RAPGEF2: variants seen among roughly 807,000 people sequenced by gnomAD.
RAPGEF2 encodes PDZ domain containing guanine nucleotide exchange factor (GEF) 1.
Under a neutral mutation model 186.7 loss-of-function variants are expected in RAPGEF2, and 54 were observed. The observed-to-expected ratio is 0.29, with a 90% CI of 0.23 to 0.36. The LOEUF (loss-of-function observed/expected upper bound fraction) is 0.36, where lower values mean the gene tolerates loss of function less well. Among genes scored for constraint, RAPGEF2 ranks in the 10% least tolerant of loss-of-function variants. RAPGEF2 has a pLI of 1.00. For missense variants in RAPGEF2, 1,532 were observed against 2,045.0 expected (o/e 0.75, Z 4.84); for synonymous variants, 712 against 705.9 (o/e 1.01, Z -0.14).
intron 8 of RAPGEF2, among the ~76,000 whole-genome samples, chr4:159,306,305 C>A (rs1216479944): frequency 1.3e-5 from 2 of 152,024 alleles, no homozygotes; most frequent in African/African-American, 4.8e-5. Context: ...CAATTTCTTT[C>A]ATCAGTGTTT....
intron 4 of RAPGEF2, among the ~76,000 whole-genome samples, chr4:159,226,391 G>C (rs1207529897): frequency 6.6e-6 from 1 of 152,056 alleles, no homozygotes; most frequent in African/African-American, 2.4e-5. Flanking sequence ...TACCACATTT[G>C]TGTAACTTTA....
intron 13 of RAPGEF2, 64 bp downstream of exon 13, chr4:159,330,562 G>T (rs537813222): frequency 1.6e-4 from 195 of 1,186,822 alleles, no homozygotes; most frequent in Middle Eastern, 9.8e-4. Flanking sequence ...ACTTTAATGT[G>T]TATATTTGTC....
chr4:159,104,553 A>AGAGAGTGT (rs1553991869), intron 1 of RAPGEF2, among the ~76,000 whole-genome samples: 43 of 136,112 alleles, frequency 3.2e-4, no homozygotes, highest in Non-Finnish European at 3.9e-4. Context: ...AGAGAGAGAG[A>AGAGAGTGT]GTGTGTGTGT....
At chr4:159,164,944 C>T (rs1306163368) in intron 1 of RAPGEF2, among the ~76,000 whole-genome samples, 2 of 152,132 alleles carry the variant, frequency 1.3e-5, no homozygotes, top group East Asian at 3.8e-4. Flanking sequence ...GTATAAAATA[C>T]AGCAGTGTAT....
intron 3 of RAPGEF2, among the ~76,000 whole-genome samples, chr4:159,198,294 CTTTCTTTCTTTCTTTCTT>C (rs1430840524): frequency 2.5e-5 from 1 of 40,698 alleles, no homozygotes; most frequent in African/African-American, 9.9e-5. Flanking sequence ...TTCTTTCTTT[CTTTCTTTCTTTCTTTCTT>C]TCTTTCTTTC....
intron 7 of RAPGEF2, among the ~76,000 whole-genome samples, chr4:159,277,335 TG>T (rs1759045782): frequency 1.3e-5 from 2 of 152,336 alleles, no homozygotes; most frequent in South Asian, 4.1e-4. Flanking sequence ...GATGGACATT[TG>T]GGTTGGTTCC....
intron 24 of RAPGEF2, among the ~76,000 whole-genome samples, chr4:159,345,729 T>A (rs186582785): frequency 0.011 from 1,749 of 152,294 alleles, 26 homozygotes; most frequent in African/African-American, 0.039. Context: ...TGGCTGCCTT[T>A]TAACCACTAG....
At chr4:159,108,412 G>T in intron 1 of RAPGEF2, among the ~76,000 whole-genome samples, 1 of 135,834 alleles carries the variant, frequency 7.4e-6, no homozygotes, top group African/African-American at 2.7e-5. Flanking sequence ...TTTTTAAGGA[G>T]AAGATGACCA....
chr4:159,302,823 G>T (rs1762836206), intron 7 of RAPGEF2, among the ~76,000 whole-genome samples: 2 of 149,996 alleles, frequency 1.3e-5, no homozygotes, highest in South Asian at 2.1e-4. Flanking sequence ...TAAGTTTTAG[G>T]GTACATGTGC....
Position 159,272,616 on chromosome 4 carries a change from A to G in RAPGEF2, c.543+28825A>G, listed in dbSNP as rs533563461. Among the ~76,000 whole-genome samples, 32 of 152,292 alleles carry G rather than the reference A, an allele frequency of 2.1e-4. No homozygotes were observed. In the East Asian group the frequency reaches 5.8e-3, roughly 28 times the overall value. ...TCTGGAATGAATTCCATGTGTTCAAAGGGTATGGTTGGAATTTAAAACTGT... is the reference window on the plus strand; with the variant it reads ...TCTGGAATGAATTCCATGTGTTCAAGGGGTATGGTTGGAATTTAAAACTGT... On this transcript the variant is annotated intron_variant, in intron 7 of 29. Coordinates refer to ENST00000691494, the MANE Select transcript of RAPGEF2 (RefSeq NM_001394067.2).
At chr4:159,168,360 C>T (rs1383057856) in intron 1 of RAPGEF2, among the ~76,000 whole-genome samples, 2 of 152,090 alleles carry the variant, frequency 1.3e-5, no homozygotes, top group African/African-American at 4.8e-5. Flanking sequence ...CATACCTATG[C>T]GTGCATTTGA....
chr4:159,136,229 C>T (rs1440778156), intron 1 of RAPGEF2, among the ~76,000 whole-genome samples: 1 of 152,256 alleles, frequency 6.6e-6, no homozygotes, highest in Admixed American at 6.5e-5. Context: ...TATTAAACGC[C>T]ACTTTTTCAC....
intron 4 of RAPGEF2, 27 bp from the exon 5 acceptor site, chr4:159,238,782 A>C: frequency 6.7e-7 from 1 of 1,496,598 alleles, no homozygotes; most frequent in Non-Finnish European, 8.9e-7. Flanking sequence ...GGTTCTCCTC[A>C]TTGATTTTTT....
At chr4:159,167,757 T>C (rs1400563269) in intron 1 of RAPGEF2, among the ~76,000 whole-genome samples, 1 of 152,208 alleles carries the variant, frequency 6.6e-6, no homozygotes, top group Non-Finnish European at 1.5e-5. Context: ...AAGGATTTGC[T>C]TTAAAGAGAT....
intron 28 of RAPGEF2, among the ~76,000 whole-genome samples, chr4:159,355,570 C>T (rs1246226560): frequency 6.6e-6 from 1 of 152,088 alleles, no homozygotes; most frequent in East Asian, 1.9e-4. Flanking sequence ...AGTTACAGAC[C>T]ATTTTAAATG....
chr4:159,311,064 T>A (rs935735236), intron 8 of RAPGEF2, among the ~76,000 whole-genome samples: 1 of 152,174 alleles, frequency 6.6e-6, no homozygotes, highest in Non-Finnish European at 1.5e-5. Flanking sequence ...TCACACCTGA[T>A]TTTGAGTCCT....
chr4:159,357,932 ACATTTTAAC>A (rs1732272381), intron 29 of RAPGEF2, among the ~76,000 whole-genome samples, 173 bp from the exon 30 acceptor site: 1 of 152,016 alleles, frequency 6.6e-6, no homozygotes, highest in Non-Finnish European at 1.5e-5. Context: ...TGTATTGCAT[ACATTTTAAC>A]CTTTTTGTTG....
chr4:159,164,795 T>G (rs982971313), intron 1 of RAPGEF2, among the ~76,000 whole-genome samples: 4 of 152,184 alleles, frequency 2.6e-5, no homozygotes, highest in Admixed American at 1.3e-4. Context: ...AATAATAAAT[T>G]TAGCCCAATA....
chr4:159,175,028 TCAGC>T (rs911333598), intron 1 of RAPGEF2, among the ~76,000 whole-genome samples: 1 of 152,200 alleles, frequency 6.6e-6, no homozygotes, highest in Non-Finnish European at 1.5e-5. Flanking sequence ...ATGGCTGCAC[TCAGC>T]CATACATATG....
Sources: gnomAD v4.1 joint callset for allele counts (sites outside exome capture counted in the v4.1 genomes callset) on GRCh38, gnomAD v4.1.1 for gene constraint, MANE v1.5 for transcripts, NCBI Gene and HGNC (gene_info 2026-07-23, HGNC 2026-07-21) for gene names.